PEX5L: variants seen among roughly 807,000 people sequenced by gnomAD.
The protein encoded by PEX5L is PEX5-related protein.
PEX5L carries 30 observed loss-of-function variants against 84.0 expected under a neutral mutation model. That is an observed-to-expected ratio of 0.36 (90% CI 0.27 to 0.48). The LOEUF is 0.48. Ranked by LOEUF, PEX5L falls within the 20% of genes least tolerant of loss-of-function variation. The pLI is 0.99. For missense variants in PEX5L, 533 were observed against 754.6 expected (o/e 0.71, Z 3.44); for synonymous variants, 270 against 283.1 (o/e 0.95, Z 0.46).
intron 2 of PEX5L, among the ~76,000 whole-genome samples, chr3:179,957,316 A>G (rs774949531): frequency 1.3e-5 from 2 of 152,160 alleles, no homozygotes; most frequent in Admixed American, 6.5e-5. Context: ...AAGGGCCCCA[A>G]GGGTGATTGC....
chr3:179,992,382 T>C (rs1787464290), intron 1 of PEX5L, among the ~76,000 whole-genome samples: 1 of 152,354 alleles, frequency 6.6e-6, no homozygotes, highest in South Asian at 2.1e-4. Context: ...AACTTATTAA[T>C]GACAGAGTTG....
At chr3:179,821,533 C>T (rs1728529430) in intron 8 of PEX5L, among the ~76,000 whole-genome samples, 1 of 152,182 alleles carries the variant, frequency 6.6e-6, no homozygotes, top group South Asian at 2.1e-4. Context: ...ATGTGATAAT[C>T]CCAGGCTACT....
In PEX5L at chr3:179,875,398, C is replaced by G; in HGVS notation, c.585G>C (p.Glu195Asp). The G allele has an allele frequency of 6.2e-7, 1 of 1,613,572 alleles. No homozygotes were observed. Among genetic ancestry groups the G allele is most frequent in the Non-Finnish European group, 8.5e-7 (1 of 1,179,526 alleles). The change falls in exon 6 of 15, where the codon GAG (glutamate) becomes GAC (aspartate). Residue 195 changes from glutamate to aspartate, a missense_variant. Around this residue, in one of 8 missense-constraint regions of PEX5L, gnomAD observed 259 missense variants for 301.7 expected, o/e 0.86. Coordinates refer to ENST00000467460, the MANE Select transcript of PEX5L (RefSeq NM_016559.3). ...CAGTTCTAGATGAGGATGATTTTCT[C>G]TCTGCCATTGGATGTCCCTTGGTAT... ...DRNTKGHPMAERKSSSSRTGS... is the reference protein window; with the variant it reads ...DRNTKGHPMADRKSSSSRTGS...
intron 1 of PEX5L, among the ~76,000 whole-genome samples, chr3:180,019,042 G>A (rs566669630): frequency 1.2e-4 from 19 of 152,250 alleles, no homozygotes; most frequent in East Asian, 1.2e-3. Flanking sequence ...TTCTAGCTCC[G>A]TGTATTGGTG....
intron 2 of PEX5L, among the ~76,000 whole-genome samples, chr3:179,963,763 C>T (rs35040076): frequency 0.13 from 19,442 of 152,170 alleles, 1,679 homozygotes; most frequent in Non-Finnish European, 0.19. Context: ...ATACGTGCTG[C>T]CACCTCTACT....
At chr3:179,923,068 T>C (rs1296240441) in intron 2 of PEX5L, among the ~76,000 whole-genome samples, 1 of 151,644 alleles carries the variant, frequency 6.6e-6, no homozygotes, top group Non-Finnish European at 1.5e-5. Flanking sequence ...GGCGGGCGGA[T>C]CACGAAGTCA....
chr3:179,929,285 AG>A (rs1772337132), intron 2 of PEX5L, among the ~76,000 whole-genome samples: 2 of 152,202 alleles, frequency 1.3e-5, no homozygotes, highest in Non-Finnish European at 2.9e-5. Flanking sequence ...AGTGGTTTCA[AG>A]GATGGAAAAT....
At chr3:179,902,271 T>G (rs1397480312) in intron 2 of PEX5L, among the ~76,000 whole-genome samples, 2 of 152,210 alleles carry the variant, frequency 1.3e-5, no homozygotes, top group African/African-American at 4.8e-5. Flanking sequence ...GCTTTTCTGC[T>G]TCGTCTCTAC....
At chr3:179,848,551 C>CAAAAA (rs377561010) in intron 8 of PEX5L, among the ~76,000 whole-genome samples, 2 of 95,762 alleles carry the variant, frequency 2.1e-5, no homozygotes, top group African/African-American at 3.5e-5. Context: ...AAACCTCTCT[C>CAAAAA]AAAAAAAAAA....
chr3:179,898,052 G>A (rs878990321), intron 3 of PEX5L, 90 bp downstream of exon 3: 1 of 764,014 alleles, frequency 1.3e-6, no homozygotes, highest in South Asian at 2.7e-5. Context: ...TGGTTCAAGA[G>A]TTAAAGTTTT....
chr3:180,011,385 C>T (rs1284363653), intron 1 of PEX5L, among the ~76,000 whole-genome samples: 3 of 152,088 alleles, frequency 2.0e-5, no homozygotes, highest in Admixed American at 6.6e-5. Flanking sequence ...ACACTAATTA[C>T]CAAAAAGGGC....
chr3:179,946,878 T>C (rs1777690927), intron 2 of PEX5L, among the ~76,000 whole-genome samples: 1 of 152,224 alleles, frequency 6.6e-6, no homozygotes, highest in South Asian at 2.1e-4. Context: ...TGGTGTCAAA[T>C]AGAGCTGCAC....
chr3:179,861,715 T>C (rs889712093), intron 7 of PEX5L, among the ~76,000 whole-genome samples: 3 of 152,248 alleles, frequency 2.0e-5, no homozygotes, highest in Non-Finnish European at 2.9e-5. Flanking sequence ...CCAACTATCA[T>C]ATCATCCTGG....
intron 1 of PEX5L, among the ~76,000 whole-genome samples, chr3:179,986,729 G>A (rs953935022): frequency 6.6e-6 from 1 of 151,920 alleles, no homozygotes; most frequent in Non-Finnish European, 1.5e-5. Flanking sequence ...TTTCAGGATC[G>A]TTTGAAAGGT....
At chr3:179,887,923 G>T in intron 3 of PEX5L, 139 bp from the exon 4 acceptor site, 1 of 684,264 alleles carries the variant, frequency 1.5e-6, no homozygotes, top group Non-Finnish European at 2.5e-6. Flanking sequence ...ATGGGGTGGG[G>T]GCAAGAAAGA....
chr3:180,013,780 G>A (rs1789690687), intron 1 of PEX5L, among the ~76,000 whole-genome samples: 1 of 152,142 alleles, frequency 6.6e-6, no homozygotes, highest in Non-Finnish European at 1.5e-5. Context: ...CTTGTAGAAA[G>A]AATGCAGGAA....
intron 8 of PEX5L, among the ~76,000 whole-genome samples, chr3:179,832,422 G>A (rs1358716227): frequency 8.7e-6 from 1 of 115,256 alleles, no homozygotes; most frequent in Non-Finnish European, 1.8e-5. Flanking sequence ...CCACCCACCT[G>A]CCTACCCACT....
At chr3:179,900,567 A>C in intron 2 of PEX5L, 1 of 778,466 alleles carries the variant, frequency 1.3e-6, no homozygotes, top group Non-Finnish European at 2.1e-6. Flanking sequence ...CAAAACAAAA[A>C]TTAGTCCTTT....
chr3:179,948,012 G>C (rs1778073885), intron 2 of PEX5L, among the ~76,000 whole-genome samples: 1 of 152,046 alleles, frequency 6.6e-6, no homozygotes, highest in Admixed American at 6.6e-5. Context: ...GGCCAAAAAA[G>C]TTACTTTTAA....
Sources: gnomAD v4.1 joint callset for allele counts (sites outside exome capture counted in the v4.1 genomes callset) on GRCh38, gnomAD v4.1.1 for gene constraint, gnomAD v4.1.1 regional missense constraint, MANE v1.5 for transcripts, NCBI Gene and HGNC (gene_info 2026-07-23, HGNC 2026-07-21) for gene names.